Variants in ARMC3 observed in about 807,000 individuals in gnomAD.
ARMC3 encodes armadillo repeat-containing protein 3.
In ARMC3, 74 loss-of-function variants were observed where a neutral mutation model predicts 90.3. The ratio of observed to expected loss-of-function variants is 0.82; its 90% confidence interval spans 0.68 to 0.99. The LOEUF is 0.99. Among genes scored for constraint, ARMC3 ranks in the 50% least tolerant of loss-of-function variants. The pLI is 0.00. For synonymous variants in ARMC3, 334 were observed against 361.8 expected (o/e 0.92, Z 0.87); for missense variants, 958 against 1,042.8 (o/e 0.92, Z 1.12).
chr10:23,018,312 G>A (rs1231243677), intron 16 of ARMC3, among the ~76,000 whole-genome samples: 3 of 152,060 alleles, frequency 2.0e-5, no homozygotes, highest in Non-Finnish European at 4.4e-5. Context: ...AGCCCACACT[G>A]GAGTAACCAA....
chr10:23,030,997 G>T (rs1564407146), intron 17 of ARMC3: 1 of 515,994 alleles, frequency 1.9e-6, no homozygotes, highest in Non-Finnish European at 3.2e-6. Flanking sequence ...AGAGATAGCA[G>T]CTGGAAATTG....
Position 23,024,527 on chromosome 10 carries a change from C to A in ARMC3, c.2046-6069C>A, listed in dbSNP as rs192494432. ...AATGTATAACATCTTATACTCAAGA[C>A]AATGATATTTTAAAGTAAAGGAAGT... is the stretch of plus-strand genomic sequence containing the variant. On this transcript the variant is annotated intron_variant, in intron 16 of 18. Coordinates refer to ENST00000298032, the MANE Select transcript of ARMC3 (RefSeq NM_173081.5). Among the ~76,000 whole-genome samples the A allele has an allele frequency of 1.6e-3, 247 of 152,204 alleles. 1 individual carries two copies. The highest frequency in any genetic ancestry group is 4.9e-3 in the African/African-American group (204 of 41,544).
intron 8 of ARMC3, among the ~76,000 whole-genome samples, chr10:22,973,086 G>T (rs979910054): frequency 3.9e-5 from 6 of 151,924 alleles, no homozygotes; most frequent in African/African-American, 1.5e-4. Context: ...TTGACACCAG[G>T]AGTTCAAGAC....
chr10:22,963,936 A>C (rs867537182), intron 7 of ARMC3, among the ~76,000 whole-genome samples: 13,661 of 130,750 alleles, frequency 0.1, 753 homozygotes, highest in Non-Finnish European at 0.16. Context: ...AAAAAAAAAA[A>C]AAAAAAAAAA....
At chr10:22,949,250 C>T (rs1051100026) in intron 3 of ARMC3, among the ~76,000 whole-genome samples, 42 of 151,716 alleles carry the variant, frequency 2.8e-4, no homozygotes, top group Admixed American at 2.6e-4. Flanking sequence ...TATCTTGCAT[C>T]CAATAAAAAA....
intron 14 of ARMC3, 53 bp from the exon 15 acceptor site, chr10:23,008,223 C>A: frequency 1.1e-6 from 1 of 928,666 alleles, no homozygotes; most frequent in South Asian, 1.9e-5. Context: ...ATAAAACCAT[C>A]TGTTGACAAA....
chr10:23,018,710 G>T (rs1199730773), intron 16 of ARMC3, among the ~76,000 whole-genome samples: 2 of 151,854 alleles, frequency 1.3e-5, no homozygotes, highest in East Asian at 1.9e-4. Context: ...TAGAGACAGG[G>T]TTTCACCACA....
intron 2 of ARMC3, among the ~76,000 whole-genome samples, chr10:22,939,665 C>T (rs1834246411): frequency 6.6e-6 from 1 of 152,144 alleles, no homozygotes; most frequent in African/African-American, 2.4e-5. Flanking sequence ...CTTTAAGGAA[C>T]ACTTCTCCTC....
intron 10 of ARMC3, among the ~76,000 whole-genome samples, chr10:22,991,031 T>G (rs144925729): frequency 1.3e-5 from 2 of 152,276 alleles, no homozygotes; most frequent in Non-Finnish European, 2.9e-5. Context: ...CCTTCTCATT[T>G]TCCATTCCCT....
At chr10:23,016,091 T>C (rs1352761164) in intron 16 of ARMC3, among the ~76,000 whole-genome samples, 2 of 152,204 alleles carry the variant, frequency 1.3e-5, no homozygotes, top group African/African-American at 2.4e-5. Flanking sequence ...TTGGAATAAA[T>C]TGGGTGGAAT....
chr10:22,996,212 A>C (rs145533558), intron 10 of ARMC3, among the ~76,000 whole-genome samples: 1,584 of 152,304 alleles, frequency 0.01, 17 homozygotes, highest in Middle Eastern at 0.051. Flanking sequence ...AAAATATGAG[A>C]TGTTTCTGAT....
chr10:23,013,461 T>G (rs1838115817), intron 16 of ARMC3, among the ~76,000 whole-genome samples: 1 of 152,246 alleles, frequency 6.6e-6, no homozygotes, highest in Non-Finnish European at 1.5e-5. Context: ...CTATAGTTTT[T>G]TCTCACTTTA....
chr10:22,961,000 C>G (rs1279329393), intron 6 of ARMC3: 2 of 152,230 alleles, frequency 1.3e-5, no homozygotes, highest in East Asian at 3.8e-4. Flanking sequence ...CTCATCTTAA[C>G]TAACTGCATC....
chr10:23,010,768 CCT>C (rs1162775503), intron 16 of ARMC3, among the ~76,000 whole-genome samples: 25 of 106,492 alleles, frequency 2.3e-4, no homozygotes, highest in East Asian at 3.2e-4. Context: ...TCTTCTCTCC[CCT>C]CTCTTTCCCT....
intron 2 of ARMC3, among the ~76,000 whole-genome samples, chr10:22,940,408 G>A (rs1379846124): frequency 6.6e-6 from 1 of 152,206 alleles, no homozygotes. Context: ...AATAACTGAA[G>A]AGATAAAAGT....
intron 8 of ARMC3, among the ~76,000 whole-genome samples, chr10:22,973,082 C>T (rs949854405): frequency 6.6e-6 from 1 of 151,834 alleles, no homozygotes; most frequent in East Asian, 1.9e-4. Flanking sequence ...TCACTTGACA[C>T]CAGGAGTTCA....
chr10:23,009,952 G>A (rs1214079099), intron 16 of ARMC3, among the ~76,000 whole-genome samples: 1 of 152,158 alleles, frequency 6.6e-6, no homozygotes, highest in Non-Finnish European at 1.5e-5. Flanking sequence ...GCTTTCCAAG[G>A]AGGCTGGGCC....
At chr10:23,007,581 C>G (rs1316557625) in intron 14 of ARMC3, among the ~76,000 whole-genome samples, 6 of 151,842 alleles carry the variant, frequency 4.0e-5, no homozygotes, top group Non-Finnish European at 8.8e-5. Context: ...CCTGTAATCC[C>G]AGCTACTCAG....
chr10:23,006,196 A>T (rs1837604928), intron 13 of ARMC3, among the ~76,000 whole-genome samples: 1 of 152,192 alleles, frequency 6.6e-6, no homozygotes, highest in South Asian at 2.1e-4. Context: ...AGGCCGGTGC[A>T]GCTAGAGCTG....
Sources: gnomAD v4.1 joint callset for allele counts (sites outside exome capture counted in the v4.1 genomes callset) on GRCh38, gnomAD v4.1.1 for gene constraint, MANE v1.5 for transcripts, NCBI Gene and HGNC (gene_info 2026-07-23, HGNC 2026-07-21) for gene names.